CCDC122: variants seen among roughly 807,000 people sequenced by gnomAD.
CCDC122 encodes coiled-coil domain-containing protein 122.
A neutral mutation model predicts 37.0 loss-of-function variants in CCDC122; 38 were observed. The ratio of observed to expected loss-of-function variants is 1.03; its 90% CI spans 0.79 to 1.35. The LOEUF is 1.35. Ranked by LOEUF, CCDC122 falls within the 40% of genes most tolerant of loss-of-function variation. The pLI is 0.00. For missense variants in CCDC122, 305 were observed against 310.0 expected, an observed-to-expected ratio of 0.98 and a Z score of 0.12; for synonymous variants, 83 against 95.6, an observed-to-expected ratio of 0.87 and a Z score of 0.77.
rs1954055201 is a variant in CCDC122, at chr13:43,860,004, G to C, written c.223C>G (p.Gln75Glu). Residue 75 changes from glutamine (Q) to glutamate (E), a missense_variant, in exon 5 of 7, where the codon CAA becomes GAA. Gln to Glu is a conservative substitution (Grantham distance 29). Coordinates refer to ENST00000444614, the MANE Select transcript of CCDC122 (RefSeq NM_144974.5). ...ATGGCAGAATCTTGTTGATAAATTTGTCTTTCTGTTTCTTTAGTTTCTGCA... is the reference window on the plus strand; with the variant it reads ...ATGGCAGAATCTTGTTGATAAATTTCTCTTTCTGTTTCTTTAGTTTCTGCA... ...ISAETKETER[Q>E]IYQQDSAIEN... 6.3e-7 allele frequency: 1 copy of C among 1,583,580 alleles called. No individual in the cohort carries two copies. Among genetic ancestry groups the C allele is most frequent in the Non-Finnish European group, 8.6e-7 (1 of 1,165,668 alleles).
Position 43,876,655 on chromosome 13 carries a change from C to T in CCDC122, c.-199-1728G>A, listed in dbSNP as rs642299. 3.2e-3 allele frequency among the ~76,000 whole-genome samples: 481 copies of T among 152,290 alleles called. 1 individual carries two copies. Among genetic ancestry groups the T allele is most frequent in the African/African-American group, 0.011 (449 of 41,556 alleles). On this transcript the variant is annotated intron_variant, in intron 1 of 6. Coordinates refer to ENST00000444614, the MANE Select transcript of CCDC122 (RefSeq NM_144974.5). Reference sequence around the variant, plus strand: ...TTGACTAGTTCAATCTTATGACTTACTTGTGTTTGTTTGCAAACCTGTTTT... The same window carrying T: ...TTGACTAGTTCAATCTTATGACTTATTTGTGTTTGTTTGCAAACCTGTTTT...
intron 4 of CCDC122, among the ~76,000 whole-genome samples, chr13:43,865,463 T>G (rs1279791162): frequency 2.6e-5 from 4 of 151,290 alleles, no homozygotes; most frequent in South Asian, 2.1e-4. Flanking sequence ...ATACACTATG[T>G]TTTTTTTTCC....
chr13:43,859,233 A>G (rs1040284091), intron 5 of CCDC122, among the ~76,000 whole-genome samples: 4 of 152,162 alleles, frequency 2.6e-5, no homozygotes, highest in Non-Finnish European at 5.9e-5. Context: ...TATCGTCTTC[A>G]AAGAACAGTA....
chr13:43,852,231 A>G (rs1953761877), intron 6 of CCDC122, among the ~76,000 whole-genome samples: 1 of 152,176 alleles, frequency 6.6e-6, no homozygotes, highest in Admixed American at 6.5e-5. Flanking sequence ...GAAGCCAAGA[A>G]TCATGACAAA....
At chr13:43,823,567 G>A (rs752900554), downstream of CCDC122, among the ~76,000 whole-genome samples, 8 of 152,210 alleles carry the variant, frequency 5.3e-5, no homozygotes, top group Non-Finnish European at 1.2e-4. Context: ...GTTTACCTAG[G>A]ACATCAGAGC....
intron 6 of CCDC122, among the ~76,000 whole-genome samples, chr13:43,843,311 G>A (rs1374330872): frequency 1.3e-5 from 2 of 151,870 alleles, no homozygotes; most frequent in Non-Finnish European, 2.9e-5. Context: ...CTATGAAGTT[G>A]GTTATATCTT....
At chr13:43,830,571 G>A (rs1011711357) in intron 3 of CCDC122, among the ~76,000 whole-genome samples, 1 of 152,142 alleles carries the variant, frequency 6.6e-6, no homozygotes, top group Non-Finnish European at 1.5e-5. Flanking sequence ...AGTTTTGGAG[G>A]CGAAAGCATG....
intron 6 of CCDC122, among the ~76,000 whole-genome samples, chr13:43,853,918 C>A (rs1220051324): frequency 6.6e-6 from 1 of 152,076 alleles, no homozygotes; most frequent in African/African-American, 2.4e-5. Context: ...GAAATTAAGG[C>A]AGAAATCAAG....
intron 3 of CCDC122, among the ~76,000 whole-genome samples, chr13:43,830,239 T>C (rs1953076942): frequency 6.6e-6 from 1 of 152,188 alleles, no homozygotes; most frequent in Admixed American, 6.5e-5. Context: ...GGACAGTGAT[T>C]AGATTTCTTC....
At chr13:43,867,137 C>T (rs1200143744) in intron 4 of CCDC122, among the ~76,000 whole-genome samples, 1 of 152,052 alleles carries the variant, frequency 6.6e-6, no homozygotes, top group Non-Finnish European at 1.5e-5. Context: ...TGAATGGATA[C>T]TGGATTATAA....
intron 6 of CCDC122, among the ~76,000 whole-genome samples, chr13:43,847,722 A>C (rs937506465): frequency 1.3e-5 from 2 of 152,146 alleles, no homozygotes; most frequent in Non-Finnish European, 2.9e-5. Context: ...CATCTACCTG[A>C]ATAATTCTTA....
chr13:43,841,503 T>C (rs76331352), intron 6 of CCDC122, among the ~76,000 whole-genome samples: 3,616 of 152,266 alleles, frequency 0.024, 108 homozygotes, highest in East Asian at 0.14. Flanking sequence ...AAGGGTGTTA[T>C]ACATCTTTTC....
chr13:43,872,200 G>A (rs1393661287), intron 2 of CCDC122, among the ~76,000 whole-genome samples: 1 of 151,774 alleles, frequency 6.6e-6, no homozygotes, highest in Non-Finnish European at 1.5e-5. Context: ...ATCGACTCTT[G>A]TATCTTTACA....
At chr13:43,832,598 T>G (rs191474911), downstream of CCDC122, among the ~76,000 whole-genome samples, 237 of 152,348 alleles carry the variant, frequency 1.6e-3, 4 homozygotes, top group Non-Finnish European at 3.2e-4. Context: ...GTGTGCCATT[T>G]ACTTTTAATT....
intron 3 of CCDC122, among the ~76,000 whole-genome samples, chr13:43,825,681 A>T (rs977527407): frequency 6.6e-6 from 1 of 150,864 alleles, no homozygotes. Flanking sequence ...GAGGCAGGAG[A>T]ATCACTTGAA....
At chr13:43,819,958 C>A (rs977341638), downstream of CCDC122, among the ~76,000 whole-genome samples, 11 of 27,250 alleles carry the variant, frequency 4.0e-4, no homozygotes, top group Non-Finnish European at 1.9e-3. Context: ...GACCCAAAAA[C>A]CTGAAGTTTT....
intron 6 of CCDC122, among the ~76,000 whole-genome samples, chr13:43,839,901 A>G (rs1953286187): frequency 1.3e-5 from 2 of 152,224 alleles, no homozygotes; most frequent in Non-Finnish European, 2.9e-5. Flanking sequence ...CAGAGACTCC[A>G]GGGGTGCCTC....
intron 4 of CCDC122, among the ~76,000 whole-genome samples, chr13:43,862,301 G>A (rs1272959114): frequency 6.6e-6 from 1 of 151,816 alleles, no homozygotes; most frequent in Non-Finnish European, 1.5e-5. Flanking sequence ...AGTTCCTTCC[G>A]ACCTAACGGC....
intron 1 of CCDC122, 110 bp from the exon 2 acceptor site, chr13:43,875,037 G>A (rs187796515): frequency 8.0e-4 from 122 of 152,324 alleles, no homozygotes; most frequent in African/African-American, 2.8e-3. Flanking sequence ...TTCTACCAAA[G>A]GAGGGGCTTT....
Sources: gnomAD v4.1 joint callset for allele counts (sites outside exome capture counted in the v4.1 genomes callset) on GRCh38, gnomAD v4.1.1 for gene constraint, MANE v1.5 for transcripts, NCBI Gene and HGNC (gene_info 2026-07-23, HGNC 2026-07-21) for gene names.